YBX2: variants seen among roughly 807,000 people sequenced by gnomAD.
YBX2 encodes Y-box-binding protein 2.
In YBX2, 5 loss-of-function variants were observed where a neutral mutation model predicts 44.4. That is an observed-to-expected ratio of 0.11 (90% CI 0.06 to 0.24). The LOEUF is 0.24. Ranked by LOEUF, YBX2 falls within the 10% of genes least tolerant of loss-of-function variation. The pLI, the probability that YBX2 is intolerant of heterozygous loss-of-function variation, is 1.00. For synonymous variants in YBX2, 188 were observed against 216.1 expected (o/e 0.87, Z 1.14); for missense variants, 417 against 526.9 (o/e 0.79, Z 2.04).
rs1171212852 is a variant in YBX2 at position 7,294,473 on chromosome 17, C to T, written c.28G>A (p.Ala10Thr). 2.0e-6 allele frequency: 3 copies of T among 1,476,794 alleles called. No homozygotes were observed. Among genetic ancestry groups the T allele is most frequent in the Non-Finnish European group, 2.7e-6 (3 of 1,116,978 alleles). 91.5% of individuals were successfully genotyped at this position (1,476,794 alleles called of 1,614,324 possible). Reference protein sequence around the residue: MSEVEAAAGATAVPAATVPA... With the variant: MSEVEAAAGTTAVPAATVPA... ...ACCGTCGCCGCGGGGACCGCTGTAG[C>T]CCCCGCTGCCGCCTCCACCTCGCTC... The change falls in exon 1 of 9, where the codon GCT becomes ACT. Residue 10 changes from alanine to threonine, a missense_variant. Transcript: ENST00000007699. The surrounding 1 kb of genome is among the most constrained non-coding windows in gnomAD (Gnocchi z 4.6).
At chr17:7,290,665 C>A in intron 4 of YBX2, 130 bp from the exon 5 acceptor site, 1 of 1,139,232 alleles carries the variant, frequency 8.8e-7, no homozygotes, top group South Asian at 1.5e-5. Context: ...TTCTTTCTAC[C>A]CTCCCTGGAG....
rs753231040 is a variant in YBX2, at chr17:7,289,720, A to G, written c.854T>C (p.Phe285Ser). 6 of 1,572,280 alleles carry G rather than the reference A, an allele frequency of 3.8e-6. No homozygotes were observed. Among genetic ancestry groups the G allele is most frequent in the Non-Finnish European group, 4.3e-6 (5 of 1,155,710 alleles). ...AGGCTGCTGGCGTGGCCTGGGGCGG[A>G]AAGGCCTAAGGCAAGGAACAAGGCT... ...PRFRPRYRRPFRPRPRQQPTT... is the reference protein window; with the variant it reads ...PRFRPRYRRPSRPRPRQQPTT... Residue 285 changes from phenylalanine to serine, a missense_variant, in exon 7 of 9, where the codon TTC becomes TCC. By Grantham distance (155) the Phe-to-Ser change is radical (BLOSUM62 -2). Around this residue, in one of 3 missense-constraint regions of YBX2, gnomAD observed 257 missense variants for 261.7 expected, o/e 0.98. Coordinates refer to ENST00000007699, the MANE Select transcript of YBX2 (RefSeq NM_015982.4).
At chr17:7,290,217 G>T in intron 5 of YBX2, 34 bp downstream of exon 5, 1 of 1,606,914 alleles carries the variant, frequency 6.2e-7, no homozygotes, top group South Asian at 1.1e-5. Flanking sequence ...CCTGAACTTG[G>T]GGAACTGGCT....
rs369751822 is a variant in YBX2, at chr17:7,291,078, T to C, written c.459+15A>G. ...TAAGCCTAGTCAACTCTATACCCCA[T>C]AGCAGTCCCCAAACCTTCTCTCCTT... On this transcript the variant is annotated intron_variant, in intron 4 of 8. Transcript: ENST00000007699. This position sits in a 1 kb window ranked among gnomAD's most constrained non-coding sequence, Gnocchi z 5.8. 8 of 1,611,716 alleles carry C rather than the reference T, an allele frequency of 5.0e-6. No individual in the cohort carries two copies. In the Admixed American group the frequency reaches 8.3e-5, roughly 17 times the overall value.
At position 7,291,603 on chromosome 17, in the gene YBX2, A is replaced by T. The variant is rs2072502086; in HGVS notation, c.370-421T>A. The T allele has an allele frequency of 2.6e-6, 1 of 382,568 alleles. No homozygotes were observed. The highest frequency in any genetic ancestry group is 5.0e-6 in the Non-Finnish European group (1 of 200,902). The allele number at this position is 382,568 out of a possible 1,614,324, so 23.7% of individuals were successfully genotyped here. ...TGTAGCGTGCATCAGAATCACCTGG[A>T]GAGCTCGTTAAACCGATTGTGGAGC... On this transcript the variant is annotated intron_variant, in intron 3 of 8. Transcript: ENST00000007699. The surrounding 1 kb of genome is among the most constrained non-coding windows in gnomAD (Gnocchi z 5.8).
At chr17:7,293,749 T>C in intron 1 of YBX2, 2 of 967,930 alleles carry the variant, frequency 2.1e-6, no homozygotes, top group Non-Finnish European at 3.0e-6. Context: ...GACTCAGGCT[T>C]TCAAAAAGCC....
At position 7,294,179 on chromosome 17, in the gene YBX2, C is replaced by A; in HGVS notation, c.271+51G>T. The A allele has an allele frequency of 8.0e-7, 1 of 1,248,036 alleles. No individual in the cohort carries two copies. The highest frequency in any genetic ancestry group is 3.2e-5 in the East Asian group (1 of 31,620). The allele number at this position is 1,248,036 out of a possible 1,614,324, so 77.3% of individuals were successfully genotyped here. The stretch of plus-strand genomic sequence containing the variant: ...TCCTGCCGGGCTCCACACTGCCCCT[C>A]CCCCAGCCCGCCGACCCCTCAGAGC... On this transcript the variant is annotated intron_variant, in intron 1 of 8. Coordinates refer to ENST00000007699, the MANE Select transcript of YBX2 (RefSeq NM_015982.4). The surrounding 1 kb of genome is among the most constrained non-coding windows in gnomAD (Gnocchi z 4.6).
intron 6 of YBX2, 31 bp from the exon 7 acceptor site, chr17:7,289,756 C>A: frequency 6.2e-7 from 1 of 1,612,346 alleles, no homozygotes; most frequent in Non-Finnish European, 8.5e-7. Context: ...CTGAGGGGAC[C>A]AGGGAATACT....
In YBX2 at chr17:7,292,370, G is replaced by A. The variant is rs2072507382; in HGVS notation, c.336-311C>T. 2.2e-5 allele frequency: 9 copies of A among 404,568 alleles called. No individual in the cohort carries two copies. In the South Asian group the frequency reaches 2.4e-4, roughly 11 times the overall value. 25.1% of individuals were successfully genotyped at this position (404,568 alleles called of 1,614,324 possible). On this transcript the variant is annotated intron_variant, in intron 2 of 8. Coordinates refer to ENST00000007699, the MANE Select transcript of YBX2 (RefSeq NM_015982.4). ...TGCCGGGACTCCACCTTCCACCCCA[G>A]GCTAGCCTTACAACCTGCCAGCGCT... is the stretch of plus-strand genomic sequence containing the variant.
chr17:7,293,777 G>C (rs964591927), intron 1 of YBX2: 6 of 730,054 alleles, frequency 8.2e-6, no homozygotes, highest in African/African-American at 5.3e-5. Flanking sequence ...TCTAAGTCAC[G>C]TTCCCCACAT....
At chr17:7,290,189 C>G in intron 5 of YBX2, 62 bp downstream of exon 5, 1 of 1,610,022 alleles carries the variant, frequency 6.2e-7, no homozygotes, top group Non-Finnish European at 8.5e-7. Flanking sequence ...TGGTCTCTAT[C>G]CTAACTCCCA....
chr17:7,288,765 G>T lies in YBX2; in HGVS notation c.*23C>A, dbSNP rs200089579. On this transcript the variant is annotated 3_prime_UTR_variant, in exon 8 of 9. Transcript: ENST00000007699. The stretch of plus-strand genomic sequence containing the variant: ...GCCACTCACCAGATGGCAGCTCTGG[G>T]TGTCCTCTGAGTTGAGTTGGAATCA... 6.2e-7 allele frequency: 1 copy of T among 1,613,826 alleles called. No individual in the cohort carries two copies. The highest frequency in any genetic ancestry group is 8.5e-7 in the Non-Finnish European group (1 of 1,179,780).
chr17:7,292,181 G>A, intron 2 of YBX2, 122 bp from the exon 3 acceptor site: 2 of 1,137,910 alleles, frequency 1.8e-6, no homozygotes, highest in Non-Finnish European at 2.6e-6. Flanking sequence ...TTCCAGTTAG[G>A]GGTGGACATG....
Position 7,291,848 on chromosome 17 carries a change from C to T in YBX2, c.369+178G>A, listed in dbSNP as rs965677325. ...CCAGGGGTAACATGCTCAATTCTGA[C>T]GGACGTTTAGTAACCCAGCACAAGT... On this transcript the variant is annotated intron_variant, in intron 3 of 8. Transcript: ENST00000007699. The surrounding 1 kb of genome is among the most constrained non-coding windows in gnomAD (Gnocchi z 5.8). The T allele has an allele frequency of 7.0e-5, 52 of 744,682 alleles. No individual in the cohort carries two copies. Among genetic ancestry groups the T allele is most frequent in the South Asian group, 4.7e-4 (28 of 59,052 alleles). The allele number at this position is 744,682 out of a possible 1,614,324, so 46.1% of individuals were successfully genotyped here. A position where few individuals can be genotyped will look rare whatever the true frequency, so the allele number is the denominator to read the frequency against.
intron 2 of YBX2, 108 bp from the exon 3 acceptor site, chr17:7,292,167 AG>A (rs2072506006): frequency 2.1e-5 from 27 of 1,290,384 alleles, no homozygotes; most frequent in Non-Finnish European, 2.8e-5. Flanking sequence ...CATCCTCTCC[AG>A]CATTCCAGTT....
rs1213556059 is a variant in YBX2, at chr17:7,294,547, C to T, written c.-47G>A. On this transcript the variant is annotated 5_prime_UTR_variant, in exon 1 of 9. Transcript: ENST00000007699. The surrounding 1 kb of genome is among the most constrained non-coding windows in gnomAD (Gnocchi z 4.6). Reference sequence around the variant, plus strand: ...CACAGCCGCCACCGCCCCGGCCCCTCCCCCCGGCTCGCGAACCCACCGCCC... The same window carrying T: ...CACAGCCGCCACCGCCCCGGCCCCTTCCCCCGGCTCGCGAACCCACCGCCC... 2.3e-5 allele frequency: 32 copies of T among 1,398,188 alleles called. No individual in the cohort carries two copies. Among genetic ancestry groups the T allele is most frequent in the Non-Finnish European group, 2.8e-5 (30 of 1,073,872 alleles). 86.6% of individuals were successfully genotyped at this position (1,398,188 alleles called of 1,614,324 possible).
chr17:7,289,760 G>A (rs768534824), intron 6 of YBX2, 35 bp from the exon 7 acceptor site: 2 of 1,611,960 alleles, frequency 1.2e-6, no homozygotes, highest in South Asian at 1.1e-5. Flanking sequence ...GGGGACCAGG[G>A]AATACTCCCT....
rs374053473 is a variant in YBX2, at chr17:7,293,468, T to G, written c.335+7A>C. The G allele has an allele frequency of 1.1e-5, 18 of 1,613,936 alleles. No homozygotes were observed. The African/African-American group carries it at 2.3e-4, about 20-fold the overall frequency. On this transcript the variant is annotated splice_region_variant and intron_variant, in intron 2 of 8. Coordinates refer to ENST00000007699, the MANE Select transcript of YBX2 (RefSeq NM_015982.4). ...CATTCCACCCCCGCCCTGGGTTCCT[T>G]GGATACCTGTTGATGAATCCGTAAC...
At chr17:7,289,891 C>T in intron 6 of YBX2, 77 bp downstream of exon 6, 1 of 1,596,856 alleles carries the variant, frequency 6.3e-7, no homozygotes, top group Non-Finnish European at 8.6e-7. Flanking sequence ...AGAGCTTCAC[C>T]CTTCCATCCT....
Sources: gnomAD v4.1 joint callset for allele counts on GRCh38, gnomAD v4.1.1 for gene constraint, gnomAD v4.1.1 regional missense constraint, Gnocchi (gnomAD v3.1) non-coding constraint, MANE v1.5 for transcripts, NCBI Gene and HGNC (gene_info 2026-07-23, HGNC 2026-07-21) for gene names.